Variants in PPP2R5A observed in about 807,000 individuals in gnomAD.
PPP2R5A encodes the protein protein phosphatase 2 regulatory subunit B'alpha.
Under a neutral mutation model 64.2 loss-of-function variants are expected in PPP2R5A, and 25 were observed. The ratio of observed to expected loss-of-function variants is 0.39; its 90% CI spans 0.28 to 0.54. PPP2R5A has a LOEUF of 0.54. PPP2R5A is among the 20% of genes least tolerant of loss of function. The pLI, the probability that PPP2R5A is intolerant of heterozygous loss-of-function variation, is 0.67. For missense variants in PPP2R5A, 425 were observed against 576.3 expected, an observed-to-expected ratio of 0.74 and a Z score of 2.69; for synonymous variants, 198 against 201.2, an observed-to-expected ratio of 0.98 and a Z score of 0.13.
At chr1:212,304,430 T>C (rs1658857880) in intron 1 of PPP2R5A, among the ~76,000 whole-genome samples, 1 of 152,046 alleles carries the variant, frequency 6.6e-6, no homozygotes, top group Non-Finnish European at 1.5e-5. Flanking sequence ...ATGCCTGTAA[T>C]CCCAGCTACT....
chr1:212,288,825 T>C (rs1435706532), intron 1 of PPP2R5A, among the ~76,000 whole-genome samples: 1 of 151,830 alleles, frequency 6.6e-6, no homozygotes, highest in African/African-American at 2.4e-5. Flanking sequence ...GATTCAGATA[T>C]CCATGGACTC....
At chr1:212,345,155 A>ACT (rs60926674) in intron 4 of PPP2R5A, among the ~76,000 whole-genome samples, 121,682 of 148,932 alleles carry the variant, frequency 0.82, 50,179 homozygotes, top group African/African-American at 0.94. Flanking sequence ...ACAGAGCAAG[A>ACT]CTGTCTTAAA....
At chr1:212,333,087 G>C (rs1323185167) in intron 2 of PPP2R5A, among the ~76,000 whole-genome samples, 2 of 151,862 alleles carry the variant, frequency 1.3e-5, no homozygotes, top group Non-Finnish European at 1.5e-5. Context: ...TTTTTGTAGA[G>C]ATTGGGGGTT....
At chr1:212,305,500 T>C (rs1393417286) in intron 1 of PPP2R5A, among the ~76,000 whole-genome samples, 1 of 152,038 alleles carries the variant, frequency 6.6e-6, no homozygotes, top group African/African-American at 2.4e-5. Flanking sequence ...TCTCCTGTTG[T>C]TGGGTGGAGT....
At chr1:212,327,038 A>C (rs1000945536) in intron 1 of PPP2R5A, among the ~76,000 whole-genome samples, 8 of 152,216 alleles carry the variant, frequency 5.3e-5, no homozygotes, top group African/African-American at 1.9e-4. Context: ...AAGGACAGCA[A>C]CTTGAATATA....
At chr1:212,334,048 G>A (rs1384982926) in intron 3 of PPP2R5A, 1 of 152,506 alleles carries the variant, frequency 6.6e-6, no homozygotes, top group African/African-American at 2.4e-5. Flanking sequence ...TTTTGTTTCT[G>A]GGTTCTTTCA....
intron 11 of PPP2R5A, chr1:212,358,409 G>A (rs1055028514): frequency 1.0e-5 from 2 of 200,994 alleles, no homozygotes; most frequent in Non-Finnish European, 2.0e-5. Flanking sequence ...ACATGAGACT[G>A]TAAAGCAGAA....
rs373493738 is a variant in PPP2R5A, at chr1:212,304,505, C to T, written c.181+18214C>T. 1.3e-3 allele frequency among the ~76,000 whole-genome samples: 202 copies of T among 152,020 alleles called. 1 individual carries two copies. Among genetic ancestry groups the T allele is most frequent in the Admixed American group, 7.0e-3 (107 of 15,276 alleles). ...AGGAGGTTGTGGTGAGCCGAGATCA[C>T]GCCATTACACTCCAGCCTGGGCAAC... On this transcript the variant is annotated intron_variant, in intron 1 of 12. Transcript: ENST00000261461.
intron 1 of PPP2R5A, among the ~76,000 whole-genome samples, chr1:212,314,641 T>C (rs1248143441): frequency 2.7e-5 from 4 of 149,012 alleles, no homozygotes; most frequent in Non-Finnish European, 5.9e-5. Context: ...CACTGCAAAC[T>C]CCACTTCCCG....
At chr1:212,360,577 C>T in intron 12 of PPP2R5A, 61 bp from the exon 13 acceptor site, 8 of 1,382,410 alleles carry the variant, frequency 5.8e-6, no homozygotes, top group South Asian at 1.5e-5. Context: ...AGCTGTCAAA[C>T]AGCACCTCTC....
intron 9 of PPP2R5A, 64 bp from the exon 10 acceptor site, chr1:212,356,886 A>G (rs1325793485): frequency 7.2e-7 from 1 of 1,385,536 alleles, no homozygotes; most frequent in African/African-American, 1.5e-5. Flanking sequence ...TCTCATTTGT[A>G]TGGTTTCTAT....
Position 212,286,010 on chromosome 1 carries a change from G to A in PPP2R5A, c.-101G>A, listed in dbSNP as rs1658489146. 1.6e-6 allele frequency: 2 copies of A among 1,248,116 alleles called. No individual in the cohort carries two copies. Among genetic ancestry groups the A allele is most frequent in the Non-Finnish European group, 2.1e-6 (2 of 965,572 alleles). The allele number at this position is 1,248,116 out of a possible 1,614,324, so 77.3% of individuals were successfully genotyped here. ...GGCCGTGGGGCCGGGGCGCAGGGGC[G>A]CGAGCACCCCGCGCCTCTCCCCCGC... On this transcript the variant is annotated 5_prime_UTR_variant, in exon 1 of 13. Transcript: ENST00000261461.
chr1:212,343,426 T>C (rs1470842564), intron 4 of PPP2R5A, among the ~76,000 whole-genome samples: 1 of 152,200 alleles, frequency 6.6e-6, no homozygotes, highest in Admixed American at 6.5e-5. Flanking sequence ...CCGCTTTGTA[T>C]GTGCCCTATG....
intron 1 of PPP2R5A, among the ~76,000 whole-genome samples, chr1:212,320,255 G>A (rs910432959): frequency 1.5e-4 from 23 of 152,156 alleles, no homozygotes; most frequent in Non-Finnish European, 2.9e-4. Flanking sequence ...AGAGCACAGG[G>A]TTGGGGGTAA....
chr1:212,321,241 G>T (rs1399620917), intron 1 of PPP2R5A, among the ~76,000 whole-genome samples: 3 of 135,814 alleles, frequency 2.2e-5, no homozygotes, highest in Non-Finnish European at 1.6e-5. Flanking sequence ...GGGCAGAGGG[G>T]CTCCTCACTT....
intron 8 of PPP2R5A, among the ~76,000 whole-genome samples, chr1:212,355,925 T>G (rs572156792): frequency 5.9e-4 from 90 of 151,782 alleles, no homozygotes; most frequent in African/African-American, 2.1e-3. Flanking sequence ...ATTAGCTGGG[T>G]GTGGTGGTGG....
At chr1:212,333,372 C>A in intron 2 of PPP2R5A, 125 bp from the exon 3 acceptor site, 1 of 500,938 alleles carries the variant, frequency 2.0e-6, no homozygotes, top group Non-Finnish European at 3.4e-6. Flanking sequence ...AAGAGGTTTA[C>A]AGATTTTGAA....
At chr1:212,337,642 A>G (rs1192811478) in intron 3 of PPP2R5A, among the ~76,000 whole-genome samples, 2 of 152,182 alleles carry the variant, frequency 1.3e-5, no homozygotes, top group Non-Finnish European at 2.9e-5. Flanking sequence ...TATCTTTTAT[A>G]TAAGGTTGAG....
chr1:212,352,833 C>T (rs765626411), intron 8 of PPP2R5A: 1 of 519,186 alleles, frequency 1.9e-6, no homozygotes, highest in Admixed American at 1.9e-5. Flanking sequence ...TTTATCAAAG[C>T]TGCAGCTGCT....
Sources: allele counts gnomAD v4.1 joint callset (sites outside exome capture counted in the v4.1 genomes callset), GRCh38; gene constraint gnomAD v4.1.1; transcripts MANE v1.5; gene names NCBI Gene and HGNC (gene_info 2026-07-23, HGNC 2026-07-21).